The following GDF15 variants were observed in gnomAD, a reference collection of about 807,000 sequenced individuals.
GDF15 encodes growth differentiation factor 15, also known as growth/differentiation factor 15.
In GDF15, 10 loss-of-function variants were observed where a neutral mutation model predicts 8.9. The observed-to-expected ratio is 1.12, with a 90% CI of 0.69 to 1.90. The LOEUF (loss-of-function observed/expected upper bound fraction) is 1.90. Among genes scored for constraint, GDF15 ranks in the 40% most tolerant of loss-of-function variants. The pLI is 0.00. For synonymous variants in GDF15, 228 were observed against 210.6 expected (o/e 1.08, Z -0.72); for missense variants, 452 against 434.2 (o/e 1.04, Z -0.36).
In GDF15 at chr19:18,388,311, G is replaced by T. The variant is rs748361296; in HGVS notation, c.303G>T (p.Leu101=). ...PEVRLGSGGH[L]HLRISRAALP... is the part of the protein sequence containing the mutation. ...TGCGGCTGGGATCCGGCGGCCACCT[G>T]CACCTGCGTATCTCTCGGGCCGCCC... The change falls in exon 2 of 2, where the codon CTG becomes CTT. Residue 101 remains leucine (L), a synonymous_variant. Transcript: ENST00000252809. This position sits in a 1 kb window ranked among gnomAD's most constrained non-coding sequence, Gnocchi z 4.2. 1.2e-6 allele frequency: 2 copies of T among 1,610,590 alleles called. No homozygotes were observed. The highest frequency in any genetic ancestry group is 1.7e-6 in the Non-Finnish European group (2 of 1,179,760).
In GDF15 at chr19:18,388,274, G is replaced by C; in HGVS notation, c.278-12G>C. ...CTGTGGGTGACCAGCTTCCCTATCT[G>C]TCTTCCCACAGTGCGGCTGGGATCC... On this transcript the variant is annotated splice_polypyrimidine_tract_variant and intron_variant, in intron 1 of 1. Transcript: ENST00000252809. This position sits in a 1 kb window ranked among gnomAD's most constrained non-coding sequence, Gnocchi z 4.2. 6.2e-7 allele frequency: 1 copy of C among 1,609,782 alleles called. No individual in the cohort carries two copies. The highest frequency in any genetic ancestry group is 1.1e-5 in the South Asian group (1 of 90,810).
In GDF15 at chr19:18,388,373, G is replaced by C. The variant is rs755483029; in HGVS notation, c.365G>C (p.Arg122Pro). 1 of 1,611,708 alleles carries C rather than the reference G, an allele frequency of 6.2e-7. No homozygotes were observed. The highest frequency in any genetic ancestry group is 1.7e-5 in the Admixed American group (1 of 59,990). Residue 122 changes from arginine to proline, a missense_variant, in exon 2 of 2, where the codon CGG becomes CCG. By Grantham distance (103) the Arg-to-Pro change is moderately radical (BLOSUM62 -2). Transcript: ENST00000252809. The surrounding 1 kb of genome is among the most constrained non-coding windows in gnomAD (Gnocchi z 4.2). ...EGLPEASRLH[R>P]ALFRLSPTAS... ...CTCCCCGAGGCCTCCCGCCTTCACC[G>C]GGCTCTGTTCCGGCTGTCCCCGACG...
At position 18,388,926 on chromosome 19, in the gene GDF15, C is replaced by T. The variant is rs746138936; in HGVS notation, c.918C>T (p.His306=). The T allele has an allele frequency of 6.2e-7, 1 of 1,603,982 alleles. No homozygotes were observed. Among genetic ancestry groups the T allele is most frequent in the Non-Finnish European group, 8.5e-7 (1 of 1,175,962 alleles). Residue 306 remains histidine (H), a synonymous_variant, in exon 2 of 2, where the codon CAC becomes CAT. Transcript: ENST00000252809. The surrounding 1 kb of genome is among the most constrained non-coding windows in gnomAD (Gnocchi z 4.2). ...ATGACTTGTTAGCCAAAGACTGCCA[C>T]TGCATATGAGCAGTCCTGGTCCTTC... ...TYDDLLAKDC[H]CI is the part of the protein sequence containing the mutation.
chr19:18,388,927 T>C lies in GDF15; in HGVS notation c.919T>C (p.Cys307Arg), dbSNP rs1053471806. Residue 307 changes from cysteine (C) to arginine (R), a missense_variant, in exon 2 of 2, where the codon TGC (cysteine) becomes CGC (arginine). Cys to Arg is a radical substitution (Grantham distance 180). Coordinates refer to ENST00000252809, the MANE Select transcript of GDF15 (RefSeq NM_004864.4). This position sits in a 1 kb window ranked among gnomAD's most constrained non-coding sequence, Gnocchi z 4.2. ...TGACTTGTTAGCCAAAGACTGCCAC[T>C]GCATATGAGCAGTCCTGGTCCTTCC... ...YDDLLAKDCH[C>R]I 1 of 1,604,852 alleles carries C rather than the reference T, an allele frequency of 6.2e-7. No individual in the cohort carries two copies. Among genetic ancestry groups the C allele is most frequent in the Non-Finnish European group, 8.5e-7 (1 of 1,176,934 alleles).
chr19:18,387,170 C>T (rs1971841850), intron 1 of GDF15, among the ~76,000 whole-genome samples: 1 of 152,156 alleles, frequency 6.6e-6, no homozygotes, highest in South Asian at 2.1e-4. Flanking sequence ...TCTCCCCAGT[C>T]TCCCTAACAC....
In GDF15 at chr19:18,388,183, C is replaced by T; in HGVS notation, c.278-103C>T. ...AATAACTTGTGCAAAGGCGCCGCCG[C>T]CGTGGTGAGATCCAGCTTGGCGTGT... On this transcript the variant is annotated intron_variant, in intron 1 of 1. Coordinates refer to ENST00000252809, the MANE Select transcript of GDF15 (RefSeq NM_004864.4). The surrounding 1 kb of genome is among the most constrained non-coding windows in gnomAD (Gnocchi z 4.2). 1 of 1,072,394 alleles carries T rather than the reference C, an allele frequency of 9.3e-7. No individual in the cohort carries two copies. The highest frequency in any genetic ancestry group is 1.4e-6 in the Non-Finnish European group (1 of 734,672). 66.4% of individuals were successfully genotyped at this position (1,072,394 alleles called of 1,614,324 possible).
At position 18,386,213 on chromosome 19, in the gene GDF15, G is replaced by T; in HGVS notation, c.24G>T (p.Thr8=). Residue 8 remains threonine (T), a synonymous_variant, in exon 1 of 2, where the codon ACG becomes ACT. Coordinates refer to ENST00000252809, the MANE Select transcript of GDF15 (RefSeq NM_004864.4). Reference sequence around the variant, plus strand: ...CCATGCCCGGGCAAGAACTCAGGACGGTGAATGGCTCTCAGATGCTCCTGG... The same window carrying T: ...CCATGCCCGGGCAAGAACTCAGGACTGTGAATGGCTCTCAGATGCTCCTGG... MPGQELR[T]VNGSQMLLVL... The T allele has an allele frequency of 1.2e-6, 2 of 1,612,438 alleles. No individual in the cohort carries two copies. Among genetic ancestry groups the T allele is most frequent in the Non-Finnish European group, 1.7e-6 (2 of 1,179,732 alleles).
In GDF15 at chr19:18,388,746, C is replaced by A. The variant is rs1362204548; in HGVS notation, c.738C>A (p.Ser246Arg). Residue 246 changes from serine (S) to arginine (R), a missense_variant, in exon 2 of 2, where the codon AGC (serine) becomes AGA (arginine). By Grantham distance (110) the Ser-to-Arg change is moderately radical. Transcript: ENST00000252809. The surrounding 1 kb of genome is among the most constrained non-coding windows in gnomAD (Gnocchi z 4.2). ...QVTMCIGACPSQFRAANMHAQ... is the reference protein window; with the variant it reads ...QVTMCIGACPRQFRAANMHAQ... ...CCATGTGCATCGGCGCGTGCCCGAG[C>A]CAGTTCCGGGCGGCAAACATGCACG... 4 of 1,609,292 alleles carry A rather than the reference C, an allele frequency of 2.5e-6. No individual in the cohort carries two copies. The East Asian group carries it at 8.9e-5, about 36-fold the overall frequency.
chr19:18,389,050 T>C lies in GDF15; in HGVS notation c.*115T>C, dbSNP rs1971870614. 1.5e-6 allele frequency: 1 copy of C among 659,450 alleles called. No individual in the cohort carries two copies. Among genetic ancestry groups the C allele is most frequent in the Non-Finnish European group, 2.6e-6 (1 of 388,056 alleles). 40.8% of individuals were successfully genotyped at this position (659,450 alleles called of 1,614,324 possible). A position where few individuals can be genotyped will look rare whatever the true frequency, so the allele number is the denominator to read the frequency against. On this transcript the variant is annotated 3_prime_UTR_variant, in exon 2 of 2. Transcript: ENST00000252809. ...CCCGATTCCTGCCCAAACAGCTGTATTTATATAAGTCTGTTATTTATTATT... is the reference window on the plus strand; with the variant it reads ...CCCGATTCCTGCCCAAACAGCTGTACTTATATAAGTCTGTTATTTATTATT...
In GDF15 at chr19:18,388,134, C is replaced by T; in HGVS notation, c.278-152C>T. On this transcript the variant is annotated intron_variant, in intron 1 of 1. Transcript: ENST00000252809. The surrounding 1 kb of genome is among the most constrained non-coding windows in gnomAD (Gnocchi z 4.2). ...ACAGGCGTGAGCCACCGCGCCCGCA[C>T]GGAGAAATGCTCTTGGTAGGGGAAA... 1 of 678,254 alleles carries T rather than the reference C, an allele frequency of 1.5e-6. No individual in the cohort carries two copies. Among genetic ancestry groups the T allele is most frequent in the Non-Finnish European group, 2.5e-6 (1 of 407,694 alleles). 42.0% of individuals were successfully genotyped at this position (678,254 alleles called of 1,614,324 possible).
Position 18,388,412 on chromosome 19 carries a change from G to A in GDF15, c.404G>A (p.Trp135Ter). ...CTGTCCCCGACGGCGTCAAGGTCGT[G>A]GGACGTGACACGACCGCTGCGGCGT... ...FRLSPTASRSWDVTRPLRRQL... is the reference protein window; with the variant it reads ...FRLSPTASRS Residue 135 changes from tryptophan (W) to a stop codon, truncating the protein, a stop_gained, in exon 2 of 2, where the codon TGG becomes TAG. Coordinates refer to ENST00000252809, the MANE Select transcript of GDF15 (RefSeq NM_004864.4). LOFTEE classifies it low-confidence loss of function (END_TRUNC). The surrounding 1 kb of genome is among the most constrained non-coding windows in gnomAD (Gnocchi z 4.2). 6.2e-7 allele frequency: 1 copy of A among 1,611,224 alleles called. No homozygotes were observed. Among genetic ancestry groups the A allele is most frequent in the South Asian group, 1.1e-5 (1 of 91,002 alleles).
chr19:18,388,150 G>A lies in GDF15; in HGVS notation c.278-136G>A, dbSNP rs1971852353. On this transcript the variant is annotated intron_variant, in intron 1 of 1. Coordinates refer to ENST00000252809, the MANE Select transcript of GDF15 (RefSeq NM_004864.4). This position sits in a 1 kb window ranked among gnomAD's most constrained non-coding sequence, Gnocchi z 4.2. ...GCGCCCGCACGGAGAAATGCTCTTG[G>A]TAGGGGAAATAACTTGTGCAAAGGC... 2.7e-6 allele frequency: 2 copies of A among 736,754 alleles called. No individual in the cohort carries two copies. Among genetic ancestry groups the A allele is most frequent in the South Asian group, 1.8e-5 (1 of 54,450 alleles). The allele number at this position is 736,754 out of a possible 1,614,324, so 45.6% of individuals were successfully genotyped here.
chr19:18,388,724 T>A lies in GDF15; in HGVS notation c.716T>A (p.Met239Lys). The A allele has an allele frequency of 6.2e-7, 1 of 1,609,200 alleles. No homozygotes were observed. The highest frequency in any genetic ancestry group is 8.5e-7 in the Non-Finnish European group (1 of 1,179,252). The change falls in exon 2 of 2, where the codon ATG becomes AAG. Residue 239 changes from methionine (M) to lysine (K), a missense_variant. Met to Lys is a moderately conservative substitution (Grantham distance 95, BLOSUM62 -1). Coordinates refer to ENST00000252809, the MANE Select transcript of GDF15 (RefSeq NM_004864.4). The surrounding 1 kb of genome is among the most constrained non-coding windows in gnomAD (Gnocchi z 4.2). ...TCGCCACGGGAGGTGCAAGTGACCATGTGCATCGGCGCGTGCCCGAGCCAG... is the reference window on the plus strand; with the variant it reads ...TCGCCACGGGAGGTGCAAGTGACCAAGTGCATCGGCGCGTGCCCGAGCCAG... ...VLSPREVQVT[M>K]CIGACPSQFR...
In GDF15 at chr19:18,386,222, C is replaced by T; in HGVS notation, c.33C>T (p.Gly11=). Residue 11 remains glycine (G), a synonymous_variant, in exon 1 of 2, where the codon GGC becomes GGT. Transcript: ENST00000252809. ...GGCAAGAACTCAGGACGGTGAATGGCTCTCAGATGCTCCTGGTGTTGCTGG... is the reference window on the plus strand; with the variant it reads ...GGCAAGAACTCAGGACGGTGAATGGTTCTCAGATGCTCCTGGTGTTGCTGG... MPGQELRTVN[G]SQMLLVLLVL... is the part of the protein sequence containing the mutation. 1 of 1,612,988 alleles carries T rather than the reference C, an allele frequency of 6.2e-7. No individual in the cohort carries two copies. Among genetic ancestry groups the T allele is most frequent in the Middle Eastern group, 1.9e-4 (1 of 5,166 alleles).
chr19:18,388,243 G>A lies in GDF15; in HGVS notation c.278-43G>A. ...TGGGCACCCTCGTTCCTGGAAAACG[G>A]TAGGCCTGTGGGTGACCAGCTTCCC... is the stretch of plus-strand genomic sequence containing the variant. On this transcript the variant is annotated intron_variant, in intron 1 of 1. Transcript: ENST00000252809. The surrounding 1 kb of genome is among the most constrained non-coding windows in gnomAD (Gnocchi z 4.2). The A allele has an allele frequency of 6.3e-7, 1 of 1,578,350 alleles. No individual in the cohort carries two copies. Among genetic ancestry groups the A allele is most frequent in the Non-Finnish European group, 8.7e-7 (1 of 1,155,898 alleles).
rs778921237 is a variant in GDF15 at position 18,388,533 on chromosome 19, C to A, written c.525C>A (p.Ser175=). The change falls in exon 2 of 2, where the codon TCC becomes TCA. Residue 175 remains serine, a synonymous_variant. Coordinates refer to ENST00000252809, the MANE Select transcript of GDF15 (RefSeq NM_004864.4). The surrounding 1 kb of genome is among the most constrained non-coding windows in gnomAD (Gnocchi z 4.2). ...ACCAACTGCTGGCAGAATCTTCGTC[C>A]GCACGGCCCCAGCTGGAGTTGCACT... ...QSDQLLAESS[S]ARPQLELHLR... is the part of the protein sequence containing the mutation. 46 of 1,597,412 alleles carry A rather than the reference C, an allele frequency of 2.9e-5. No individual in the cohort carries two copies. The highest frequency in any genetic ancestry group is 2.6e-6 in the Non-Finnish European group (3 of 1,174,854).
rs534464462 is a variant in GDF15, at chr19:18,388,609, G to T, written c.601G>T (p.Asp201Tyr). ...GRRRARARNGDHCPLGPGRCC... is the reference protein window; with the variant it reads ...GRRRARARNGYHCPLGPGRCC... ...CCGCAGAGCGCGTGCGCGCAACGGG[G>T]ACCACTGTCCGCTCGGGCCCGGGCG... The change falls in exon 2 of 2, where the codon GAC becomes TAC. Residue 201 changes from aspartate (D) to tyrosine (Y), a missense_variant. By Grantham distance (160) the Asp-to-Tyr change is radical. Coordinates refer to ENST00000252809, the MANE Select transcript of GDF15 (RefSeq NM_004864.4). The surrounding 1 kb of genome is among the most constrained non-coding windows in gnomAD (Gnocchi z 4.2). 3 of 1,600,332 alleles carry T rather than the reference G, an allele frequency of 1.9e-6. No individual in the cohort carries two copies. The South Asian group carries it at 3.3e-5, about 18-fold the overall frequency.
At chr19:18,386,821 A>C in intron 1 of GDF15, 35 of 266,610 alleles carry the variant, frequency 1.3e-4, no homozygotes, top group Middle Eastern at 1.2e-3. Flanking sequence ...AAGAGAAACA[A>C]TGGGGGTGTG....
rs765959535 is a variant in GDF15 at position 18,386,333 on chromosome 19, C to T, written c.144C>T (p.Ser48=). The part of the protein sequence containing the change: ...ASFPGPSELH[S]EDSRFRELRK... ...TCCCGGGACCCTCAGAGTTGCACTC[C>T]GAAGACTCCAGATTCCGAGAGTTGC... The change falls in exon 1 of 2, where the codon TCC becomes TCT. Residue 48 remains serine (S), a synonymous_variant. Transcript: ENST00000252809. 12 of 1,613,992 alleles carry T rather than the reference C, an allele frequency of 7.4e-6. No individual in the cohort carries two copies. The highest frequency in any genetic ancestry group is 3.3e-5 in the Admixed American group (2 of 59,994).
Sources: gnomAD v4.1 joint callset for allele counts (sites outside exome capture counted in the v4.1 genomes callset) on GRCh38, gnomAD v4.1.1 for gene constraint, Gnocchi (gnomAD v3.1) non-coding constraint, MANE v1.5 for transcripts, NCBI Gene and HGNC (gene_info 2026-07-23, HGNC 2026-07-21) for gene names.